FRMD5: variants seen among roughly 807,000 people sequenced by gnomAD.
FRMD5 encodes the protein FERM domain-containing protein 5.
Under a neutral mutation model 69.0 loss-of-function variants are expected in FRMD5, and 20 were observed. The ratio of observed to expected loss-of-function variants is 0.29; its 90% confidence interval spans 0.20 to 0.42. The LOEUF (loss-of-function observed/expected upper bound fraction) is 0.42, where lower values mean the gene tolerates loss of function less well. FRMD5 is among the 10% of genes least tolerant of loss of function. FRMD5 has a pLI of 1.00. For missense variants in FRMD5, 595 were observed against 708.6 expected (o/e 0.84, Z 1.82); for synonymous variants, 271 against 260.1 (o/e 1.04, Z -0.40).
intron 1 of FRMD5, among the ~76,000 whole-genome samples, chr15:44,166,748 C>T (rs1185836920): frequency 7.3e-6 from 1 of 137,032 alleles, no homozygotes; most frequent in Admixed American, 7.8e-5. Flanking sequence ...CACACCACTG[C>T]ACTCTAGCCT....
intron 1 of FRMD5, among the ~76,000 whole-genome samples, chr15:44,148,376 A>G (rs1343440271): frequency 6.6e-6 from 1 of 151,478 alleles, no homozygotes; most frequent in Non-Finnish European, 1.5e-5. Flanking sequence ...GGTTCACGCC[A>G]TTCTCCTGCC....
At chr15:44,174,690 T>A (rs2077863028) in intron 1 of FRMD5, among the ~76,000 whole-genome samples, 1 of 152,214 alleles carries the variant, frequency 6.6e-6, no homozygotes, top group Non-Finnish European at 1.5e-5. Flanking sequence ...GTTTTTATCA[T>A]AATTCTTGAG....
chr15:44,045,186 AT>A (rs568885883), intron 1 of FRMD5, among the ~76,000 whole-genome samples: 2 of 152,260 alleles, frequency 1.3e-5, no homozygotes, highest in Non-Finnish European at 2.9e-5. Flanking sequence ...GTGTATTCTT[AT>A]TCAATAATTT....
chr15:44,157,624 T>C (rs2077548767), intron 1 of FRMD5, among the ~76,000 whole-genome samples: 1 of 152,224 alleles, frequency 6.6e-6, no homozygotes, highest in Admixed American at 6.5e-5. Flanking sequence ...TGCTAAGTCA[T>C]TTATATCATA....
rs189064610 is a variant in FRMD5 at position 44,054,552 on chromosome 15, T to C, written c.103-130243A>G. ...AATCATCAACTGAATGCTATTTTCG[T>C]AGGGGTTGTCCGCCAAAGAATAGAA... On this transcript the variant is annotated intron_variant, in intron 1 of 13. Coordinates refer to ENST00000417257, the MANE Select transcript of FRMD5 (RefSeq NM_032892.5). 1.5e-4 allele frequency among the ~76,000 whole-genome samples: 23 copies of C among 152,260 alleles called. No individual in the cohort carries two copies. In the East Asian group the frequency reaches 4.4e-3, roughly 29 times the overall value.
intron 1 of FRMD5, among the ~76,000 whole-genome samples, chr15:43,927,390 A>T (rs1485530339): frequency 1.3e-5 from 2 of 151,296 alleles, no homozygotes; most frequent in Non-Finnish European, 3.0e-5. Context: ...GGAAAGAGTG[A>T]CTCTCAGGAC....
intron 1 of FRMD5, among the ~76,000 whole-genome samples, chr15:44,070,620 C>T (rs1287466882): frequency 6.6e-6 from 1 of 152,140 alleles, no homozygotes; most frequent in Non-Finnish European, 1.5e-5. Context: ...GATATATACG[C>T]CACACTTGAC....
upstream of FRMD5, among the ~76,000 whole-genome samples, chr15:44,198,707 T>G (rs1476423320): frequency 1.3e-5 from 2 of 152,116 alleles, no homozygotes; most frequent in Admixed American, 1.3e-4. Context: ...CCAAATAAAA[T>G]AAAAAGTAAA....
intron 1 of FRMD5, among the ~76,000 whole-genome samples, chr15:44,006,493 A>G (rs553462119): frequency 1.4e-4 from 21 of 152,358 alleles, no homozygotes; most frequent in African/African-American, 5.0e-4. Flanking sequence ...AATACATTTC[A>G]TAAGACTATA....
intron 1 of FRMD5, among the ~76,000 whole-genome samples, chr15:43,963,996 T>C (rs924893141): frequency 2.0e-5 from 3 of 151,996 alleles, no homozygotes; most frequent in Admixed American, 1.3e-4. Flanking sequence ...ACATGGCACA[T>C]GTATACATAT....
intron 7 of FRMD5, among the ~76,000 whole-genome samples, chr15:43,900,201 G>A (rs1470149937): frequency 6.6e-6 from 1 of 152,184 alleles, no homozygotes; most frequent in Non-Finnish European, 1.5e-5. Context: ...AAAGGCCCCA[G>A]TAAACAGGGG....
At chr15:44,132,390 G>A (rs894120556) in intron 1 of FRMD5, among the ~76,000 whole-genome samples, 1 of 152,156 alleles carries the variant, frequency 6.6e-6, no homozygotes, top group Non-Finnish European at 1.5e-5. Context: ...AAGAGTTACT[G>A]GGGACAGATA....
At chr15:44,190,063 C>T (rs1292068675) in intron 1 of FRMD5, among the ~76,000 whole-genome samples, 1 of 152,206 alleles carries the variant, frequency 6.6e-6, no homozygotes, top group Non-Finnish European at 1.5e-5. Context: ...AGGAAAGCAG[C>T]ACTGTCCTTC....
intron 1 of FRMD5, among the ~76,000 whole-genome samples, chr15:43,984,885 G>A (rs1189246041): frequency 6.6e-6 from 1 of 152,018 alleles, no homozygotes; most frequent in African/African-American, 2.4e-5. Context: ...TCGGGAGGCT[G>A]AGGTGGGAGA....
At chr15:44,181,144 A>G (rs2077993560) in intron 1 of FRMD5, among the ~76,000 whole-genome samples, 1 of 152,128 alleles carries the variant, frequency 6.6e-6, no homozygotes, top group Admixed American at 6.6e-5. Context: ...GGCTCGAGCA[A>G]TTATTCCACC....
At chr15:43,888,689 T>C in intron 9 of FRMD5, 120 bp downstream of exon 9, 1 of 784,168 alleles carries the variant, frequency 1.3e-6, no homozygotes, top group South Asian at 1.6e-5. Flanking sequence ...GTCCTGACCT[T>C]GGTCTTGGCT....
chr15:44,038,520 C>CTTTTTT lies in FRMD5; in HGVS notation c.103-114217_103-114212dup, dbSNP rs71111834. 8.9e-4 allele frequency among the ~76,000 whole-genome samples: 56 copies of CTTTTTT among 63,194 alleles called. 13 individuals carry two copies. The highest frequency in any genetic ancestry group is 2.5e-3 in the African/African-American group (44 of 17,688). 41.5% of individuals were successfully genotyped at this position (63,194 alleles called of 152,430 possible). A position where few individuals can be genotyped will look rare whatever the true frequency, so the allele number is the denominator to read the frequency against. ...GCTTTCTGCATATGGCTAGCCAGAGCTTTTTTTTTTTTTTTTTTTTATAAC... is the reference window on the plus strand; with the variant it reads ...GCTTTCTGCATATGGCTAGCCAGAGCTTTTTTTTTTTTTTTTTTTTTTTTTTATAAC... On this transcript the variant is annotated intron_variant, in intron 1 of 13. Transcript: ENST00000417257.
At chr15:44,154,764 C>T (rs919025615) in intron 1 of FRMD5, among the ~76,000 whole-genome samples, 4 of 152,028 alleles carry the variant, frequency 2.6e-5, no homozygotes, top group Non-Finnish European at 4.4e-5. Context: ...ATTAGTCATG[C>T]GGAAGGGCTG....
At chr15:43,946,713 G>A in intron 1 of FRMD5, among the ~76,000 whole-genome samples, 1 of 152,160 alleles carries the variant, frequency 6.6e-6, no homozygotes. Context: ...GCTAGATGGG[G>A]CAGTGGGTTC....
Sources: gnomAD v4.1 joint callset for allele counts (sites outside exome capture counted in the v4.1 genomes callset) on GRCh38, gnomAD v4.1.1 for gene constraint, MANE v1.5 for transcripts, NCBI Gene and HGNC (gene_info 2026-07-23, HGNC 2026-07-21) for gene names.